The following CAMK1D variants were observed in gnomAD, a reference collection of about 807,000 sequenced individuals.
CAMK1D encodes calcium/calmodulin-dependent protein kinase type 1D.
A neutral mutation model predicts 47.7 loss-of-function variants in CAMK1D; 9 were observed. That is an observed-to-expected ratio of 0.19 (90% CI 0.11 to 0.33). The LOEUF is 0.33. Ranked by LOEUF, CAMK1D falls within the 10% of genes least tolerant of loss-of-function variation. CAMK1D has a pLI of 1.00. For synonymous variants in CAMK1D, 184 were observed against 184.9 expected, an observed-to-expected ratio of 0.99 and a Z score of 0.04; for missense variants, 291 against 488.7, an observed-to-expected ratio of 0.60 and a Z score of 3.81.
In CAMK1D at chr10:12,532,311, G is replaced by A. The variant is rs376259375; in HGVS notation, c.93-20914G>A. Among the ~76,000 whole-genome samples, 16 of 147,986 alleles carry A rather than the reference G, an allele frequency of 1.1e-4. No homozygotes were observed. The South Asian group carries it at 1.7e-3, about 16-fold the overall frequency. ...TTTTTTTTTTTTGAGACGGAGTCTC[G>A]CTCTGTCGCCCAGGCTGGAGTGCAG... On this transcript the variant is annotated intron_variant, in intron 1 of 10. Coordinates refer to ENST00000619168, the MANE Select transcript of CAMK1D (RefSeq NM_153498.4).
chr10:12,662,072 C>T (rs775157195), intron 2 of CAMK1D, among the ~76,000 whole-genome samples: 2 of 152,142 alleles, frequency 1.3e-5, no homozygotes, highest in African/African-American at 4.8e-5. Flanking sequence ...AGCTGATTAA[C>T]GTCATGGTTA....
At chr10:12,505,373 G>A (rs548699241) in intron 1 of CAMK1D, among the ~76,000 whole-genome samples, 9 of 152,310 alleles carry the variant, frequency 5.9e-5, no homozygotes, top group African/African-American at 2.2e-4. Flanking sequence ...TGTTGGATAG[G>A]AATATAGAGA....
At chr10:12,356,510 C>G (rs940104405) in intron 1 of CAMK1D, among the ~76,000 whole-genome samples, 6 of 152,010 alleles carry the variant, frequency 3.9e-5, no homozygotes, top group Admixed American at 6.6e-5. Flanking sequence ...CTTTTGAGGT[C>G]AGGAGTTCGA....
intron 3 of CAMK1D, among the ~76,000 whole-genome samples, chr10:12,741,209 T>C (rs1401518924): frequency 6.6e-6 from 1 of 152,242 alleles, no homozygotes; most frequent in African/African-American, 2.4e-5. Flanking sequence ...CAGAGTTTCC[T>C]GTCTTCTCAT....
chr10:12,585,052 C>T (rs909582283), intron 2 of CAMK1D, among the ~76,000 whole-genome samples: 4 of 152,216 alleles, frequency 2.6e-5, no homozygotes, highest in Admixed American at 2.0e-4. Context: ...CTGATCATGT[C>T]AGTCATTAGG....
intron 2 of CAMK1D, among the ~76,000 whole-genome samples, chr10:12,660,488 T>G (rs1370423842): frequency 6.6e-6 from 1 of 152,190 alleles, no homozygotes; most frequent in Admixed American, 6.5e-5. Context: ...TATGCATGAA[T>G]TAATTTTAAA....
chr10:12,757,852 C>CTTTT (rs869125453), intron 3 of CAMK1D, among the ~76,000 whole-genome samples: 33 of 91,438 alleles, frequency 3.6e-4, no homozygotes, highest in South Asian at 1.2e-3. Flanking sequence ...GGGCCCTGCT[C>CTTTT]TTTTTTTTTT....
chr10:12,821,014 G>C (rs533859643), intron 8 of CAMK1D, among the ~76,000 whole-genome samples: 1 of 152,344 alleles, frequency 6.6e-6, no homozygotes, highest in African/African-American at 2.4e-5. Context: ...CGCTGAGAGA[G>C]AGAGATTAAT....
chr10:12,787,762 G>C (rs1837797171), intron 5 of CAMK1D, among the ~76,000 whole-genome samples: 1 of 152,214 alleles, frequency 6.6e-6, no homozygotes. Flanking sequence ...AGCACTTTGG[G>C]AGGCTGAGGC....
intron 4 of CAMK1D, among the ~76,000 whole-genome samples, chr10:12,765,893 A>C (rs1484777802): frequency 6.6e-6 from 1 of 152,072 alleles, no homozygotes; most frequent in East Asian, 1.9e-4. Flanking sequence ...AGGACACAAA[A>C]AACTAGTTAG....
At chr10:12,662,373 G>A (rs1564474657) in intron 2 of CAMK1D, among the ~76,000 whole-genome samples, 1 of 152,168 alleles carries the variant, frequency 6.6e-6, no homozygotes, top group Non-Finnish European at 1.5e-5. Flanking sequence ...GAGATTGTGG[G>A]CTGGGTTCAA....
intron 3 of CAMK1D, among the ~76,000 whole-genome samples, chr10:12,680,075 T>TATTC (rs1426757365): frequency 6.6e-6 from 1 of 152,246 alleles, no homozygotes; most frequent in South Asian, 2.1e-4. Flanking sequence ...CACATCATCA[T>TATTC]ATTCATTCAT....
chr10:12,817,184 T>C (rs898089265), intron 8 of CAMK1D, among the ~76,000 whole-genome samples: 4 of 152,214 alleles, frequency 2.6e-5, no homozygotes, highest in Non-Finnish European at 5.9e-5. Flanking sequence ...ACGTGGGAAT[T>C]CAAGATGAGA....
At chr10:12,458,095 C>T (rs1833310370) in intron 1 of CAMK1D, among the ~76,000 whole-genome samples, 2 of 152,108 alleles carry the variant, frequency 1.3e-5, no homozygotes, top group Non-Finnish European at 2.9e-5. Flanking sequence ...TGGTTGACTG[C>T]ATTTCTTAGC....
In CAMK1D at chr10:12,691,840, C is replaced by T. The variant is rs61468552; in HGVS notation, c.299+25030C>T. 5.7e-3 allele frequency among the ~76,000 whole-genome samples: 875 copies of T among 152,228 alleles called. 12 individuals are homozygous for T. Among genetic ancestry groups the T allele is most frequent in the African/African-American group, 0.02 (831 of 41,526 alleles). ...GGGGAGAAAGCCTTGAATAACCAAT[C>T]AACACTTACATGTAAATTTATGTGT... is the stretch of plus-strand genomic sequence containing the variant. On this transcript the variant is annotated intron_variant, in intron 3 of 10. Transcript: ENST00000619168.
At chr10:12,698,187 T>C (rs191404846) in intron 3 of CAMK1D, among the ~76,000 whole-genome samples, 118 of 152,358 alleles carry the variant, frequency 7.7e-4, no homozygotes, top group Admixed American at 1.8e-3. Flanking sequence ...ATGGTGTTAT[T>C]TGATGCATAA....
chr10:12,355,349 G>T (rs1330007707), intron 1 of CAMK1D, among the ~76,000 whole-genome samples: 1 of 152,144 alleles, frequency 6.6e-6, no homozygotes, highest in Non-Finnish European at 1.5e-5. Flanking sequence ...TACTTATTCT[G>T]AAATTGCCCA....
intron 2 of CAMK1D, among the ~76,000 whole-genome samples, chr10:12,654,689 T>C (rs559457880): frequency 1.3e-5 from 2 of 152,352 alleles, no homozygotes; most frequent in South Asian, 4.1e-4. Context: ...CTTAAATCTT[T>C]ATCCTTAGGA....
intron 1 of CAMK1D, among the ~76,000 whole-genome samples, chr10:12,494,848 C>T (rs1424554290): frequency 2.0e-5 from 3 of 152,142 alleles, no homozygotes; most frequent in South Asian, 2.1e-4. Flanking sequence ...GGATTACAGG[C>T]GTGAACCACT....
Sources: allele counts gnomAD v4.1 joint callset (sites outside exome capture counted in the v4.1 genomes callset), GRCh38; gene constraint gnomAD v4.1.1; transcripts MANE v1.5; gene names NCBI Gene and HGNC (gene_info 2026-07-23, HGNC 2026-07-21).